Variants in CACNG3 observed in about 807,000 individuals in gnomAD.
CACNG3 encodes voltage-dependent calcium channel gamma-3 subunit.
A neutral mutation model predicts 28.5 loss-of-function variants in CACNG3; 3 were observed. The ratio of observed to expected loss-of-function variants is 0.11; its 90% CI spans 0.05 to 0.27. The LOEUF (loss-of-function observed/expected upper bound fraction) is 0.27. Ranked by LOEUF, CACNG3 falls within the 10% of genes least tolerant of loss-of-function variation. The pLI is 1.00. For missense variants in CACNG3, 236 were observed against 414.4 expected (o/e 0.57, Z 3.74); for synonymous variants, 174 against 162.2 (o/e 1.07, Z -0.55).
chr16:24,295,868 CA>C (rs1324743041), intron 1 of CACNG3, among the ~76,000 whole-genome samples: 2 of 151,866 alleles, frequency 1.3e-5, no homozygotes, highest in African/African-American at 2.4e-5. Context: ...AACAAACAAA[CA>C]AAAAAACCTC....
rs1202219518 is a variant in CACNG3, at chr16:24,317,554, AAAAGAAAGAAAGAAAGAAAGAAAGAAAG to A, written c.212-29134_212-29107del. ...GATTCTGTCTCAAAAAAAAAAAAGA[AAAAGAAAGAAAGAAAGAAAGAAAGAAAG>A]AAAGAAAGAAAGAAAGAAAGAAAGA... On this transcript the variant is annotated intron_variant, in intron 1 of 3. Coordinates refer to ENST00000005284, the MANE Select transcript of CACNG3 (RefSeq NM_006539.4). Among the ~76,000 whole-genome samples, 171 of 85,346 alleles carry A rather than the reference AAAAGAAAGAAAGAAAGAAAGAAAGAAAG, an allele frequency of 2.0e-3. 3 individuals are homozygous for A. The highest frequency in any genetic ancestry group is 7.6e-3 in the African/African-American group (166 of 21,902). 56.0% of individuals were successfully genotyped at this position (85,346 alleles called of 152,430 possible). A position where few individuals can be genotyped will look rare whatever the true frequency, so the allele number is the denominator to read the frequency against.
intron 1 of CACNG3, among the ~76,000 whole-genome samples, chr16:24,322,280 C>T (rs966639953): frequency 3.3e-5 from 5 of 152,098 alleles, no homozygotes; most frequent in Admixed American, 2.0e-4. Flanking sequence ...CCAGATGCCC[C>T]GGGAGAACAC....
At chr16:24,352,087 T>A (rs1899956347) in intron 2 of CACNG3, among the ~76,000 whole-genome samples, 1 of 152,200 alleles carries the variant, frequency 6.6e-6, no homozygotes, top group East Asian at 1.9e-4. Context: ...ACTTCAGGTC[T>A]CCCTCTTCAT....
chr16:24,269,497 A>G (rs1230463548), intron 1 of CACNG3, among the ~76,000 whole-genome samples: 1 of 152,106 alleles, frequency 6.6e-6, no homozygotes, highest in African/African-American at 2.4e-5. Flanking sequence ...CACACCTGTG[A>G]TCCCAGCAGT....
chr16:24,269,693 G>A (rs1161149050), intron 1 of CACNG3, among the ~76,000 whole-genome samples: 1 of 137,230 alleles, frequency 7.3e-6, no homozygotes, highest in Non-Finnish European at 1.5e-5. Flanking sequence ...GTTTCAGGGA[G>A]CTGAGATAGC....
At chr16:24,314,370 G>C (rs1899317699) in intron 1 of CACNG3, among the ~76,000 whole-genome samples, 1 of 152,208 alleles carries the variant, frequency 6.6e-6, no homozygotes, top group African/African-American at 2.4e-5. Flanking sequence ...TTCTTATGCA[G>C]AAGTAAGAAT....
intron 2 of CACNG3, among the ~76,000 whole-genome samples, chr16:24,354,374 C>T (rs80072916): frequency 0.04 from 6,079 of 152,164 alleles, 155 homozygotes; most frequent in Middle Eastern, 0.071. Context: ...CTCTGACTCT[C>T]CTTGTGTCCG....
At chr16:24,340,847 C>G (rs2141377597) in intron 1 of CACNG3, among the ~76,000 whole-genome samples, 1 of 152,306 alleles carries the variant, frequency 6.6e-6, no homozygotes, top group East Asian at 1.9e-4. Context: ...TCCTCCGTCA[C>G]CTGGGCTCCT....
chr16:24,341,479 C>G (rs1163035798), intron 1 of CACNG3, among the ~76,000 whole-genome samples: 1 of 152,172 alleles, frequency 6.6e-6, no homozygotes, highest in African/African-American at 2.4e-5. Flanking sequence ...ACTCCAGGAA[C>G]TGTACTAAGT....
intron 1 of CACNG3, among the ~76,000 whole-genome samples, chr16:24,277,988 T>C (rs1898775230): frequency 1.3e-5 from 2 of 152,176 alleles, no homozygotes; most frequent in Non-Finnish European, 2.9e-5. Flanking sequence ...GTGCTGGGAT[T>C]ACAGACATGA....
chr16:24,309,148 A>C (rs573338106), intron 1 of CACNG3, among the ~76,000 whole-genome samples: 1 of 152,354 alleles, frequency 6.6e-6, no homozygotes, highest in Non-Finnish European at 1.5e-5. Flanking sequence ...TCCAATGCGC[A>C]CAAAGTTAAG....
At chr16:24,271,274 A>T (rs1291550586) in intron 1 of CACNG3, among the ~76,000 whole-genome samples, 1 of 152,030 alleles carries the variant, frequency 6.6e-6, no homozygotes, top group Non-Finnish European at 1.5e-5. Context: ...CTTCTCTATG[A>T]CTCGGTGCAG....
At chr16:24,332,637 T>C (rs184381653) in intron 1 of CACNG3, among the ~76,000 whole-genome samples, 8 of 152,234 alleles carry the variant, frequency 5.3e-5, no homozygotes, top group Non-Finnish European at 8.8e-5. Context: ...GGGGCCAAGC[T>C]CAGCTCAGGG....
At chr16:24,298,090 T>C (rs1183836471) in intron 1 of CACNG3, among the ~76,000 whole-genome samples, 1 of 152,104 alleles carries the variant, frequency 6.6e-6, no homozygotes, top group Admixed American at 6.6e-5. Flanking sequence ...TTAAAATTCG[T>C]TTGAAAGGTA....
chr16:24,272,396 A>G (rs1898702614), intron 1 of CACNG3, among the ~76,000 whole-genome samples: 1 of 152,034 alleles, frequency 6.6e-6, no homozygotes, highest in African/African-American at 2.4e-5. Flanking sequence ...CCTCTACCAA[A>G]TCAAAGAGAT....
At chr16:24,270,426 G>A (rs1330280284) in intron 1 of CACNG3, among the ~76,000 whole-genome samples, 1 of 152,220 alleles carries the variant, frequency 6.6e-6, no homozygotes, top group African/African-American at 2.4e-5. Context: ...GAATCTGGCA[G>A]GCAATCAAAA....
chr16:24,288,789 G>A (rs1049698360), intron 1 of CACNG3, among the ~76,000 whole-genome samples: 2 of 152,012 alleles, frequency 1.3e-5, no homozygotes, highest in Non-Finnish European at 2.9e-5. Context: ...CCCATTTGTT[G>A]GTGGATGTTT....
intron 2 of CACNG3, among the ~76,000 whole-genome samples, chr16:24,347,058 G>T (rs866329423): frequency 1.3e-5 from 2 of 152,206 alleles, no homozygotes; most frequent in Non-Finnish European, 2.9e-5. Context: ...GTTCATGCCT[G>T]TAATCCCAGC....
chr16:24,346,951 A>G (rs1899878024), intron 2 of CACNG3, 134 bp downstream of exon 2: 1 of 659,786 alleles, frequency 1.5e-6, no homozygotes, highest in South Asian at 1.8e-5. Context: ...CCCATGTGCC[A>G]GTACACAGAG....
Sources: allele counts gnomAD v4.1 joint callset (sites outside exome capture counted in the v4.1 genomes callset), GRCh38; gene constraint gnomAD v4.1.1; transcripts MANE v1.5; gene names NCBI Gene and HGNC (gene_info 2026-07-23, HGNC 2026-07-21).